The following KTN1 variants were observed in gnomAD, a reference collection of about 807,000 sequenced individuals.
The protein encoded by KTN1 is kinectin 1.
Under a neutral mutation model 222.5 loss-of-function variants are expected in KTN1, and 130 were observed. The observed-to-expected ratio is 0.58, with a 90% CI of 0.51 to 0.68. The LOEUF (loss-of-function observed/expected upper bound fraction) is 0.68, where lower values mean the gene tolerates loss of function less well. Ranked by LOEUF, KTN1 falls within the 30% of genes least tolerant of loss-of-function variation. The pLI is 0.00. For synonymous variants in KTN1, 512 were observed against 496.3 expected (o/e 1.03, Z -0.42); for missense variants, 1,508 against 1,500.4 (o/e 1.01, Z -0.08).
chr14:55,672,536 T>C, intron 37 of KTN1, 94 bp from the exon 38 acceptor site: 1 of 724,028 alleles, frequency 1.4e-6, no homozygotes, highest in African/African-American at 1.8e-5. Context: ...TTCAAAACCT[T>C]GGAAGTGTCT....
chr14:55,665,760 A>C (rs2044666604), intron 33 of KTN1, among the ~76,000 whole-genome samples: 1 of 152,128 alleles, frequency 6.6e-6, no homozygotes, highest in South Asian at 2.1e-4. Context: ...TCAATATTAG[A>C]TCTTTCCCAG....
intron 2 of KTN1, 56 bp from the exon 3 acceptor site, chr14:55,616,461 T>C: frequency 6.8e-7 from 1 of 1,468,994 alleles, no homozygotes. Context: ...GATTGCATCT[T>C]TTCCGTTATG....
chr14:55,632,213 A>G (rs2040609483), intron 7 of KTN1, among the ~76,000 whole-genome samples: 1 of 152,142 alleles, frequency 6.6e-6, no homozygotes, highest in Non-Finnish European at 1.5e-5. Flanking sequence ...GTTAATTTGA[A>G]AATTAGGCAG....
At chr14:55,663,220 G>A (rs2044338571) in intron 32 of KTN1, 1 of 196,504 alleles carries the variant, frequency 5.1e-6, no homozygotes, top group East Asian at 1.3e-4. Flanking sequence ...GTTTTTATCT[G>A]TTTAGATTTC....
chr14:55,671,493 G>A (rs1411848830), intron 35 of KTN1, 73 bp from the exon 36 acceptor site: 1 of 1,018,870 alleles, frequency 9.8e-7, no homozygotes, highest in South Asian at 1.5e-5. Context: ...ACAGTATTAA[G>A]TACTAAAACA....
At chr14:55,650,778 CT>C in intron 24 of KTN1, 141 bp downstream of exon 24, 2 of 546,554 alleles carry the variant, frequency 3.7e-6, no homozygotes, top group Non-Finnish European at 3.2e-6. Flanking sequence ...TATTTTTTGC[CT>C]GATTTGAGAA....
Position 55,634,673 on chromosome 14 carries a change from C to A in KTN1, c.1461+15C>A. 6.2e-7 allele frequency: 1 copy of A among 1,601,550 alleles called. No homozygotes were observed. Among genetic ancestry groups the A allele is most frequent in the Non-Finnish European group, 8.5e-7 (1 of 1,174,908 alleles). On this transcript the variant is annotated intron_variant, in intron 9 of 43. Coordinates refer to ENST00000395314, the MANE Select transcript of KTN1 (RefSeq NM_001079521.2). Reference sequence around the variant, plus strand: ...CTCAGTTGAAGGTGATATATTCTCACCTTTATTTGTCATTTCATGAATAAT... The same window carrying A: ...CTCAGTTGAAGGTGATATATTCTCAACTTTATTTGTCATTTCATGAATAAT...
At position 55,595,388 on chromosome 14, in the gene KTN1, T is replaced by C. The variant is rs1594743963; in HGVS notation, c.-31+15034T>C. Among the ~76,000 whole-genome samples, 6 of 152,356 alleles carry C rather than the reference T, an allele frequency of 3.9e-5. No individual in the cohort carries two copies. The South Asian group carries it at 1.2e-3, about 32-fold the overall frequency. ...GCTCATTATGTGGTTAAGTCTGTAGTAGACTTAGTAATGTGGTGTTCCAGC... is the reference window on the plus strand; with the variant it reads ...GCTCATTATGTGGTTAAGTCTGTAGCAGACTTAGTAATGTGGTGTTCCAGC... On this transcript the variant is annotated intron_variant, in intron 1 of 43. Coordinates refer to ENST00000395314, the MANE Select transcript of KTN1 (RefSeq NM_001079521.2).
intron 5 of KTN1, among the ~76,000 whole-genome samples, chr14:55,625,267 TAAC>T (rs1406831490): frequency 6.7e-6 from 1 of 150,366 alleles, no homozygotes; most frequent in Non-Finnish European, 1.5e-5. Context: ...TAGCATATAA[TAAC>T]TGCTGAAAAG....
chr14:55,589,308 C>G (rs1234794454), intron 1 of KTN1, among the ~76,000 whole-genome samples: 1 of 151,782 alleles, frequency 6.6e-6, no homozygotes, highest in Non-Finnish European at 1.5e-5. Flanking sequence ...TAAAGAGATT[C>G]TTTTTTTTGA....
intron 41 of KTN1, among the ~76,000 whole-genome samples, chr14:55,677,532 G>A (rs1031689343): frequency 6.7e-6 from 1 of 149,752 alleles, no homozygotes; most frequent in African/African-American, 2.5e-5. Context: ...TAAGTATAAA[G>A]CAGTATGTAT....
intron 40 of KTN1, 184 bp from the exon 41 acceptor site, chr14:55,675,651 G>A (rs1323509012): frequency 2.3e-6 from 1 of 432,846 alleles, no homozygotes; most frequent in African/African-American, 2.0e-5. Context: ...CTTTTCTTAT[G>A]TTTAGCTTTA....
chr14:55,660,962 T>A (rs915233177), intron 31 of KTN1, among the ~76,000 whole-genome samples: 1 of 152,174 alleles, frequency 6.6e-6, no homozygotes, highest in Admixed American at 6.5e-5. Context: ...CTCTCAACTA[T>A]AACAGAATCA....
chr14:55,597,406 G>T (rs10150498), intron 1 of KTN1, among the ~76,000 whole-genome samples: 11,786 of 152,240 alleles, frequency 0.077, 503 homozygotes, highest in South Asian at 0.12. Flanking sequence ...CATTTCTTAA[G>T]TTTATCGGAT....
At chr14:55,586,614 C>G (rs754817840) in intron 1 of KTN1, among the ~76,000 whole-genome samples, 11 of 152,050 alleles carry the variant, frequency 7.2e-5, no homozygotes, top group Non-Finnish European at 1.2e-4. Flanking sequence ...CTGAAGAAAA[C>G]AAAACGCTGT....
At chr14:55,646,011 C>T (rs1437009313) in intron 18 of KTN1, among the ~76,000 whole-genome samples, 2 of 151,852 alleles carry the variant, frequency 1.3e-5, no homozygotes, top group Admixed American at 1.3e-4. Flanking sequence ...GGAGAAAGAC[C>T]CTAAATCTTT....
chr14:55,662,942 G>A (rs1258793748), intron 32 of KTN1: 1 of 455,954 alleles, frequency 2.2e-6, no homozygotes, highest in Admixed American at 2.3e-5. Context: ...CAGCGCTGGA[G>A]ACATTGAACC....
chr14:55,619,212 T>C lies in KTN1; in HGVS notation c.863T>C (p.Leu288Pro). The C allele has an allele frequency of 6.2e-7, 1 of 1,608,742 alleles. No homozygotes were observed. Among genetic ancestry groups the C allele is most frequent in the South Asian group, 1.1e-5 (1 of 90,860 alleles). The change falls in exon 5 of 44, where the codon CTT (leucine) becomes CCT (proline). Residue 288 changes from leucine to proline, a missense_variant. Leu to Pro is a moderately conservative substitution (Grantham distance 98, BLOSUM62 -3). Transcript: ENST00000395314. ...ENAEVKFKDF[L>P]LSLKTMMFSE... ...GCTGAAGTGAAGTTTAAAGATTTTC[T>C]TCTGTCCTTGAAGACTATGATGTTT...
At chr14:55,584,323 T>A (rs1462909050) in intron 1 of KTN1, among the ~76,000 whole-genome samples, 1 of 152,192 alleles carries the variant, frequency 6.6e-6, no homozygotes, top group Non-Finnish European at 1.5e-5. Context: ...TTAGGCTCCA[T>A]CAATAAACAA....
Sources: gnomAD v4.1 joint callset for allele counts (sites outside exome capture counted in the v4.1 genomes callset) on GRCh38, gnomAD v4.1.1 for gene constraint, MANE v1.5 for transcripts, NCBI Gene and HGNC (gene_info 2026-07-23, HGNC 2026-07-21) for gene names.